Variants in FER1L5 observed in about 807,000 individuals in gnomAD.
FER1L5 encodes fer-1 like family member 5.
In FER1L5, 187 loss-of-function variants were observed where a neutral mutation model predicts 279.9. The observed-to-expected ratio is 0.67, with a 90% CI of 0.59 to 0.75. The LOEUF (loss-of-function observed/expected upper bound fraction) is 0.75, where lower values mean the gene tolerates loss of function less well. Among genes scored for constraint, FER1L5 ranks in the 30% least tolerant of loss-of-function variants. The pLI is 0.00. For synonymous variants in FER1L5, 921 were observed against 989.7 expected (o/e 0.93, Z 1.30); for missense variants, 2,091 against 2,594.4 (o/e 0.81, Z 4.21).
At position 96,689,716 on chromosome 2, in the gene FER1L5, C is replaced by A; in HGVS notation, c.2598C>A (p.Thr866=). 6.4e-7 allele frequency: 1 copy of A among 1,550,496 alleles called. No homozygotes were observed. The highest frequency in any genetic ancestry group is 8.7e-7 in the Non-Finnish European group (1 of 1,146,752). ...TATATGAGAACCAGGGCCGTGACACCAGAGGGGCCTGGGGGCCTGCCGCCA... is the reference window on the plus strand; with the variant it reads ...TATATGAGAACCAGGGCCGTGACACAAGAGGGGCCTGGGGGCCTGCCGCCA... The part of the protein sequence containing the change: ...EEVYENQGRD[T]RGAWGPAAIP... Residue 866 remains threonine, a synonymous_variant, in exon 26 of 53, where the codon ACC becomes ACA. Transcript: ENST00000624922. This position sits in a 1 kb window ranked among gnomAD's most constrained non-coding sequence, Gnocchi z 4.6.
chr2:96,643,193 A>G (rs144299861), intron 1 of FER1L5, among the ~76,000 whole-genome samples: 2 of 152,178 alleles, frequency 1.3e-5, no homozygotes, highest in South Asian at 2.1e-4. Context: ...CCATAAACTA[A>G]GGTTTAAAGA....
In FER1L5 at chr2:96,695,634, G is replaced by C. The variant is rs751256161; in HGVS notation, c.3867G>C (p.Glu1289Asp). 5 of 1,606,144 alleles carry C rather than the reference G, an allele frequency of 3.1e-6. No individual in the cohort carries two copies. Among genetic ancestry groups the C allele is most frequent in the Non-Finnish European group, 4.3e-6 (5 of 1,176,328 alleles). ...TTCAGACCAACCCCAACTTCCCCGA[G>C]TCTGAGTCTGTCCTAGTCCTCACAG... The part of the protein sequence containing the change: ...RDFQTNPNFP[E>D]SESVLVLTVL... Residue 1289 changes from glutamate to aspartate, a missense_variant, in exon 35 of 53, where the codon GAG becomes GAC. By Grantham distance (45) the Glu-to-Asp change is conservative. Transcript: ENST00000624922.
At chr2:96,675,416 A>T (rs565607520) in intron 19 of FER1L5, among the ~76,000 whole-genome samples, 57 of 152,112 alleles carry the variant, frequency 3.7e-4, no homozygotes, top group Middle Eastern at 6.8e-3. Flanking sequence ...AGCCTTTTTT[A>T]AAAAAATAAT....
intron 23 of FER1L5, among the ~76,000 whole-genome samples, 175 bp downstream of exon 23, chr2:96,686,525 G>A (rs1378005635): frequency 1.3e-5 from 2 of 152,184 alleles, no homozygotes; most frequent in East Asian, 1.9e-4. Flanking sequence ...CAGCATGTTG[G>A]GTGATGCCAA....
At chr2:96,654,925 G>GAAAGAT (rs1162878188) in intron 9 of FER1L5, 1 of 147,952 alleles carries the variant, frequency 6.8e-6, no homozygotes, top group East Asian at 2.0e-4. Context: ...AAAAGAAGAA[G>GAAAGAT]AAAGATCCAG....
At chr2:96,700,237 C>A in intron 44 of FER1L5, 95 bp from the exon 45 acceptor site, 1 of 1,579,566 alleles carries the variant, frequency 6.3e-7, no homozygotes, top group South Asian at 1.1e-5. Flanking sequence ...CCCTTCACTC[C>A]TACCCAGGCT....
Position 96,689,390 on chromosome 2 carries a change from G to A in FER1L5, c.2525+14G>A. ...ACCTCAGAGAAGGTAAGGCCAGAGG[G>A]GGCAGGCCCCACCAGAGGGGACACT... On this transcript the variant is annotated intron_variant, in intron 25 of 52. Transcript: ENST00000624922. This position sits in a 1 kb window ranked among gnomAD's most constrained non-coding sequence, Gnocchi z 4.6. 1 of 1,547,266 alleles carries A rather than the reference G, an allele frequency of 6.5e-7. No individual in the cohort carries two copies. The highest frequency in any genetic ancestry group is 8.7e-7 in the Non-Finnish European group (1 of 1,145,960).
intron 18 of FER1L5, among the ~76,000 whole-genome samples, chr2:96,670,495 G>A (rs570782501): frequency 6.6e-6 from 1 of 152,106 alleles, no homozygotes; most frequent in Admixed American, 6.6e-5. Context: ...TGCCTAATCT[G>A]GGCAAGGTGC....
intron 1 of FER1L5, among the ~76,000 whole-genome samples, chr2:96,643,822 T>C (rs1363336466): frequency 6.6e-6 from 1 of 151,248 alleles, no homozygotes; most frequent in Non-Finnish European, 1.5e-5. Flanking sequence ...ATGAGAGATG[T>C]TAGGTATATT....
rs867849360 is a variant in FER1L5, at chr2:96,702,917, G to A, written c.5398-61G>A. ...TCACTGCTGGGTGGAGGGCCACTGAGGGGTGCAAGGGAAACGTCCAGGAGA... is the reference window on the plus strand; with the variant it reads ...TCACTGCTGGGTGGAGGGCCACTGAAGGGTGCAAGGGAAACGTCCAGGAGA... On this transcript the variant is annotated intron_variant, in intron 48 of 52. Coordinates refer to ENST00000624922, the MANE Select transcript of FER1L5 (RefSeq NM_001293083.2). The surrounding 1 kb of genome is among the most constrained non-coding windows in gnomAD (Gnocchi z 4.0). 3 of 1,557,002 alleles carry A rather than the reference G, an allele frequency of 1.9e-6. No individual in the cohort carries two copies. Among genetic ancestry groups the A allele is most frequent in the Admixed American group, 3.8e-5 (2 of 53,124 alleles).
rs751446150 is a variant in FER1L5 at position 96,697,565 on chromosome 2, A to C, written c.4123A>C (p.Ser1375Arg). The C allele has an allele frequency of 4.3e-6, 7 of 1,613,700 alleles. No homozygotes were observed. In the South Asian group the frequency reaches 7.7e-5, roughly 18 times the overall value. Residue 1375 changes from serine (S) to arginine (R), a missense_variant, in exon 38 of 53, where the codon AGT becomes CGT. Ser to Arg is a moderately radical substitution (Grantham distance 110). Transcript: ENST00000624922. Reference protein sequence around the residue: ...YLYRKFWFKSSKAEDEYEHEV... With the variant: ...YLYRKFWFKSRKAEDEYEHEV... ...CTACAGAAAGTTCTGGTTCAAGTCCAGTAAAGCAGAGGTGATGAAGGCTCA... is the reference window on the plus strand; with the variant it reads ...CTACAGAAAGTTCTGGTTCAAGTCCCGTAAAGCAGAGGTGATGAAGGCTCA...
Position 96,657,832 on chromosome 2 carries a change from A to G in FER1L5, c.748-2509A>G, listed in dbSNP as rs140813197. On this transcript the variant is annotated intron_variant, in intron 9 of 52. Coordinates refer to ENST00000624922, the MANE Select transcript of FER1L5 (RefSeq NM_001293083.2). ...TAATAGTCCAGCATATGGATGTACT[A>G]TAGTTTAATTATCCATTCCCTTGTT... Among the ~76,000 whole-genome samples, 31 of 152,258 alleles carry G rather than the reference A, an allele frequency of 2.0e-4. 1 individual carries two copies. In the East Asian group the frequency reaches 3.3e-3, roughly 16 times the overall value.
chr2:96,663,765 G>T (rs2076032832), intron 14 of FER1L5, among the ~76,000 whole-genome samples: 2 of 152,124 alleles, frequency 1.3e-5, no homozygotes, highest in Admixed American at 1.3e-4. Context: ...CAATTTGGCT[G>T]GGCACGGTGG....
At position 96,704,320 on chromosome 2, in the gene FER1L5, G is replaced by A. The variant is rs774039294; in HGVS notation, c.5907G>A (p.Ser1969=). 5.0e-6 allele frequency: 8 copies of A among 1,613,906 alleles called. No homozygotes were observed. The highest frequency in any genetic ancestry group is 3.3e-5 in the Admixed American group (2 of 60,012). The change falls in exon 52 of 53, where the codon TCG becomes TCA. Residue 1969 remains serine, a synonymous_variant. Transcript: ENST00000624922. ...AACTCATAGCCTTTATGGTCATATC[G>A]ATTATAGCACTTATGCTGTTTAACT... ...RFKLIAFMVI[S]IIALMLFNFI... is the part of the protein sequence containing the mutation.
chr2:96,699,168 C>G, intron 42 of FER1L5, 32 bp downstream of exon 42: 1 of 1,569,888 alleles, frequency 6.4e-7, no homozygotes, highest in Non-Finnish European at 8.7e-7. Flanking sequence ...GACCCCTTCT[C>G]CACTCCTATC....
At chr2:96,652,061 G>T (rs1411708356) in intron 7 of FER1L5, 41 bp downstream of exon 7, 2 of 1,550,764 alleles carry the variant, frequency 1.3e-6, no homozygotes, top group Non-Finnish European at 1.7e-6. Context: ...GCCAGCCAAG[G>T]GCTGGGCATC....
At chr2:96,703,718 G>GT in intron 51 of FER1L5, 86 bp downstream of exon 51, 1 of 1,184,982 alleles carries the variant, frequency 8.4e-7, no homozygotes, top group Non-Finnish European at 1.2e-6. Context: ...TCATGGAGAG[G>GT]TGGTAATTAC....
At chr2:96,679,718 A>T (rs750380825) in intron 19 of FER1L5, among the ~76,000 whole-genome samples, 2 of 152,068 alleles carry the variant, frequency 1.3e-5, no homozygotes, top group African/African-American at 2.4e-5. Context: ...GGCTCCATTT[A>T]TGGGTTTAGT....
At position 96,694,419 on chromosome 2, in the gene FER1L5, A is replaced by C. The variant is rs1215053808; in HGVS notation, c.3696A>C (p.Thr1232=). 2 of 1,548,944 alleles carry C rather than the reference A, an allele frequency of 1.3e-6. No individual in the cohort carries two copies. The highest frequency in any genetic ancestry group is 2.7e-5 in the African/African-American group (2 of 72,858). The change falls in exon 34 of 53, where the codon ACA becomes ACC. Residue 1232 remains threonine, a synonymous_variant. Transcript: ENST00000624922. This position sits in a 1 kb window ranked among gnomAD's most constrained non-coding sequence, Gnocchi z 4.6. ...LSVPWKNGAY[T]LPKSIQPTIK... is the part of the protein sequence containing the mutation. The stretch of plus-strand genomic sequence containing the variant: ...TTCCCTGGAAGAATGGGGCATACAC[A>C]CTCCCCAAGAGCATCCAGCCCACGA...
Sources: allele counts gnomAD v4.1 joint callset (sites outside exome capture counted in the v4.1 genomes callset), GRCh38; gene constraint gnomAD v4.1.1; non-coding constraint Gnocchi (gnomAD v3.1); transcripts MANE v1.5; gene names NCBI Gene and HGNC (gene_info 2026-07-23, HGNC 2026-07-21).